Variants in STAU1 observed in about 807,000 individuals in gnomAD.
The protein encoded by STAU1 is staufen double-stranded RNA binding protein 1.
STAU1 carries 13 observed loss-of-function variants against 62.9 expected under a neutral mutation model. The ratio of observed to expected loss-of-function variants is 0.21; its 90% CI spans 0.13 to 0.33. The LOEUF is 0.33. Among genes scored for constraint, STAU1 ranks in the 10% least tolerant of loss-of-function variants. The pLI is 1.00. For synonymous variants in STAU1, 269 were observed against 265.1 expected (o/e 1.01, Z -0.14); for missense variants, 571 against 712.1 (o/e 0.80, Z 2.25).
chr20:49,167,450 G>C (rs2093541449), intron 2 of STAU1, among the ~76,000 whole-genome samples: 1 of 152,198 alleles, frequency 6.6e-6, no homozygotes, highest in South Asian at 2.1e-4. Flanking sequence ...CTTACTGAGA[G>C]CAAAAAGGAC....
At chr20:49,176,157 A>G (rs1370693491) in intron 1 of STAU1, among the ~76,000 whole-genome samples, 3 of 152,126 alleles carry the variant, frequency 2.0e-5, no homozygotes, top group Non-Finnish European at 2.9e-5. Context: ...TGATTTTCAA[A>G]CCTGTGTTTT....
the STAU1 span, among the ~76,000 whole-genome samples, chr20:49,197,463 G>T: frequency 9.9e-4 from 147 of 149,004 alleles, 1 homozygote; most frequent in African/African-American, 3.6e-3. Flanking sequence ...GTGCAGTGGC[G>T]CGATCTCAGC....
At chr20:49,202,243 A>AAAGAAAGAAAGG in the STAU1 span, among the ~76,000 whole-genome samples, 1 of 147,332 alleles carries the variant, frequency 6.8e-6, no homozygotes, top group African/African-American at 2.5e-5. Context: ...AGAAAGAAAG[A>AAAGAAAGAAAGG]AAGAAAGAAA....
chr20:49,169,583 T>C (rs1437359636), intron 2 of STAU1, among the ~76,000 whole-genome samples: 4 of 152,218 alleles, frequency 2.6e-5, no homozygotes, highest in Non-Finnish European at 5.9e-5. Context: ...GATCAAAATG[T>C]TTTGTTAGAG....
rs764214226 is a variant in STAU1, at chr20:49,135,804, ACAAAGT to A, written c.609+23_609+28del. On this transcript the variant is annotated intron_variant, in intron 6 of 13. Transcript: ENST00000371856. ...ATGAATGCTAACAGGATTTTAGAAT[ACAAAGT>A]CCTACATGTAAAATTAGCTTACCTC... 9 of 1,540,462 alleles carry A rather than the reference ACAAAGT, an allele frequency of 5.8e-6. No individual in the cohort carries two copies. The South Asian group carries it at 1.0e-4, about 18-fold the overall frequency.
upstream of STAU1, among the ~76,000 whole-genome samples, chr20:49,192,049 T>G (rs1179425200): frequency 6.7e-6 from 1 of 149,094 alleles, no homozygotes; most frequent in Non-Finnish European, 1.5e-5. Flanking sequence ...AGACTCCATC[T>G]CAAAAAACAA....
At chr20:49,201,071 A>AGAAGAAGAAG in the STAU1 span, among the ~76,000 whole-genome samples, 29 of 104,610 alleles carry the variant, frequency 2.8e-4, no homozygotes, top group East Asian at 3.6e-3. Flanking sequence ...AAAAAAAAAA[A>AGAAGAAGAAG]AAGAAGAAGA....
At chr20:49,140,390 G>T (rs2092983225) in intron 5 of STAU1, among the ~76,000 whole-genome samples, 1 of 152,056 alleles carries the variant, frequency 6.6e-6, no homozygotes, top group Non-Finnish European at 1.5e-5. Flanking sequence ...ACAATAGCCA[G>T]AAGGTAAAAA....
chr20:49,189,010 C>A (rs1430073104), upstream of STAU1, among the ~76,000 whole-genome samples: 1 of 151,060 alleles, frequency 6.6e-6, no homozygotes, highest in Non-Finnish European at 1.5e-5. Context: ...ACCATCCTGG[C>A]TACCACGGTG....
intron 1 of STAU1, among the ~76,000 whole-genome samples, chr20:49,176,333 T>A (rs1024935562): frequency 1.3e-5 from 2 of 152,176 alleles, no homozygotes; most frequent in Non-Finnish European, 2.9e-5. Flanking sequence ...TAAGTCCAAA[T>A]CATAATCATT....
rs774567830 is a variant in STAU1 at position 49,117,671 on chromosome 20, A to T, written c.1509+106T>A. Reference sequence around the variant, plus strand: ...TGCTCCCCAGCCCATCCCTGGACAGAACTTGATTTAAGAAAAAAGTACAAA... The same window carrying T: ...TGCTCCCCAGCCCATCCCTGGACAGTACTTGATTTAAGAAAAAAGTACAAA... On this transcript the variant is annotated intron_variant, in intron 11 of 13. Coordinates refer to ENST00000371856, the MANE Select transcript of STAU1 (RefSeq NM_017453.4). The surrounding 1 kb of genome is among the most constrained non-coding windows in gnomAD (Gnocchi z 4.6). The T allele has an allele frequency of 8.2e-6, 10 of 1,222,184 alleles. No homozygotes were observed. Among genetic ancestry groups the T allele is most frequent in the Non-Finnish European group, 1.1e-5 (10 of 892,756 alleles). 75.7% of individuals were successfully genotyped at this position (1,222,184 alleles called of 1,614,324 possible). A position where few individuals can be genotyped will look rare whatever the true frequency, so the allele number is the denominator to read the frequency against.
At chr20:49,177,322 G>A (rs149616218) in intron 1 of STAU1, among the ~76,000 whole-genome samples, 1,978 of 151,852 alleles carry the variant, frequency 0.013, 48 homozygotes, top group African/African-American at 0.045. Context: ...GATCGCTTGA[G>A]CTCAGGTGTT....
the STAU1 span, chr20:49,210,530 C>G: frequency 2.2e-6 from 1 of 455,924 alleles, no homozygotes; most frequent in African/African-American, 2.0e-5. Context: ...TTCTACATCA[C>G]TAGGTTTTCA....
intron 5 of STAU1, among the ~76,000 whole-genome samples, chr20:49,150,370 T>A (rs992523783): frequency 2.0e-5 from 3 of 152,090 alleles, no homozygotes; most frequent in Non-Finnish European, 4.4e-5. Flanking sequence ...ACCTCCATTT[T>A]TTTTTTTTTG....
intron 12 of STAU1, 78 bp from the exon 13 acceptor site, chr20:49,115,945 G>T (rs753147519): frequency 4.6e-5 from 57 of 1,240,252 alleles, no homozygotes; most frequent in Non-Finnish European, 6.3e-5. Flanking sequence ...AGGCAGGCAA[G>T]AGAGTTCCTG....
At chr20:49,133,087 A>G (rs1481913336) in intron 6 of STAU1, among the ~76,000 whole-genome samples, 1 of 152,212 alleles carries the variant, frequency 6.6e-6, no homozygotes, top group Non-Finnish European at 1.5e-5. Flanking sequence ...TTACTTTAAA[A>G]GATCACCACG....
chr20:49,128,234 C>T (rs915501348), intron 6 of STAU1, among the ~76,000 whole-genome samples: 2 of 151,896 alleles, frequency 1.3e-5, no homozygotes, highest in Non-Finnish European at 2.9e-5. Flanking sequence ...GCTGAGACAG[C>T]AGGATCACTT....
At chr20:49,120,581 A>C (rs2092443564) in intron 8 of STAU1, among the ~76,000 whole-genome samples, 1 of 152,218 alleles carries the variant, frequency 6.6e-6, no homozygotes, top group African/African-American at 2.4e-5. Context: ...AAAGATCATA[A>C]GCTGTTTATT....
intron 5 of STAU1, among the ~76,000 whole-genome samples, chr20:49,138,976 T>C (rs894783845): frequency 3.9e-5 from 6 of 151,996 alleles, no homozygotes; most frequent in East Asian, 1.9e-4. Context: ...GTTAAATAGA[T>C]ATTAAACTTA....
Sources: allele counts gnomAD v4.1 joint callset (sites outside exome capture counted in the v4.1 genomes callset), GRCh38; gene constraint gnomAD v4.1.1; non-coding constraint Gnocchi (gnomAD v3.1); transcripts MANE v1.5; gene names NCBI Gene and HGNC (gene_info 2026-07-23, HGNC 2026-07-21).